The following CMTM8 variants were observed in gnomAD, a reference collection of about 807,000 sequenced individuals.
CMTM8 encodes CKLF-like MARVEL transmembrane domain-containing protein 8.
In CMTM8, 12 loss-of-function variants were observed where a neutral mutation model predicts 18.6. The ratio of observed to expected loss-of-function variants is 0.65; its 90% confidence interval spans 0.41 to 1.05. The LOEUF is 1.05. Among genes scored for constraint, CMTM8 ranks in the 50% least tolerant of loss-of-function variants. CMTM8 has a pLI of 0.00. For synonymous variants in CMTM8, 87 were observed against 90.6 expected (o/e 0.96, Z 0.23); for missense variants, 217 against 227.2 (o/e 0.95, Z 0.29).
intron 1 of CMTM8, among the ~76,000 whole-genome samples, chr3:32,254,177 AG>A (rs1702147965): frequency 6.6e-6 from 1 of 152,224 alleles, no homozygotes; most frequent in Non-Finnish European, 1.5e-5. Context: ...TACAGGTGTG[AG>A]CCACTGCACC....
chr3:32,327,953 G>A (rs1285356750), intron 1 of CMTM8, among the ~76,000 whole-genome samples: 5 of 152,206 alleles, frequency 3.3e-5, no homozygotes, highest in African/African-American at 1.2e-4. Flanking sequence ...GCTCGTGCCT[G>A]TAATCCCAAC....
chr3:32,345,414 A>C (rs1269576063), intron 1 of CMTM8, among the ~76,000 whole-genome samples: 1 of 152,182 alleles, frequency 6.6e-6, no homozygotes, highest in Non-Finnish European at 1.5e-5. Context: ...TACCATTCCA[A>C]ATAGAAGCAA....
At chr3:32,368,031 C>T (rs79576227) in intron 3 of CMTM8, 43 bp downstream of exon 3, 1 of 1,355,366 alleles carries the variant, frequency 7.4e-7, no homozygotes, top group East Asian at 2.3e-5. Context: ...TCTTCCCTCT[C>T]CAAGGCTTGC....
At position 32,367,925 on chromosome 3, in the gene CMTM8, A is replaced by G. The variant is rs1411634896; in HGVS notation, c.375A>G (p.Val125=). ...TCTTGTACCTCTCTGCCGCTGTTGT[A>G]GATGCATCTTCCGTCTCCCCTGAGA... ...AFVLYLSAAV[V]DASSVSPERD... Residue 125 remains valine, a synonymous_variant, in exon 3 of 4, where the codon GTA becomes GTG. Transcript: ENST00000307526. 1 of 1,614,018 alleles carries G rather than the reference A, an allele frequency of 6.2e-7. No individual in the cohort carries two copies. Among genetic ancestry groups the G allele is most frequent in the African/African-American group, 1.3e-5 (1 of 74,896 alleles).
At position 32,347,297 on chromosome 3, in the gene CMTM8, G is replaced by GTTTTTTTTTTTTTTT. The variant is rs56826485; in HGVS notation, c.148-10064_148-10063insTTTTTTTTTTTTTTT. ...TTGGTTTTTGGTTTTTTTTGCTTAG[G>GTTTTTTTTTTTTTTT]TTTTTTTTTTTTGGCGTTAGTTCTC... On this transcript the variant is annotated intron_variant, in intron 1 of 3. Coordinates refer to ENST00000307526, the MANE Select transcript of CMTM8 (RefSeq NM_178868.5). 3.2e-3 allele frequency among the ~76,000 whole-genome samples: 438 copies of GTTTTTTTTTTTTTTT among 136,102 alleles called. 5 individuals are homozygous for GTTTTTTTTTTTTTTT. Among genetic ancestry groups the GTTTTTTTTTTTTTTT allele is most frequent in the South Asian group, 8.9e-3 (36 of 4,042 alleles). The allele number at this position is 136,102 out of a possible 152,430, so 89.3% of individuals were successfully genotyped here.
At position 32,329,507 on chromosome 3, in the gene CMTM8, G is replaced by A. The variant is rs144494945; in HGVS notation, c.148-27866G>A. On this transcript the variant is annotated intron_variant, in intron 1 of 3. Coordinates refer to ENST00000307526, the MANE Select transcript of CMTM8 (RefSeq NM_178868.5). ...ATGTAATACACCACATTAATGGAAC[G>A]AAAGATAAAACCACATGATCATCTC... Among the ~76,000 whole-genome samples the A allele has an allele frequency of 3.9e-4, 59 of 152,266 alleles. No individual in the cohort carries two copies. The East Asian group carries it at 7.9e-3, about 20-fold the overall frequency.
At chr3:32,339,306 A>G (rs1252453686) in intron 1 of CMTM8, among the ~76,000 whole-genome samples, 1 of 152,332 alleles carries the variant, frequency 6.6e-6, no homozygotes, top group African/African-American at 2.4e-5. Flanking sequence ...AAGCAAGAAT[A>G]AGGTAATTCA....
At chr3:32,346,307 G>A (rs1287905393) in intron 1 of CMTM8, among the ~76,000 whole-genome samples, 4 of 152,168 alleles carry the variant, frequency 2.6e-5, no homozygotes, top group East Asian at 1.9e-4. Flanking sequence ...GGCTTTACCC[G>A]TATCTATAGT....
At chr3:32,284,740 C>T (rs898863061) in intron 1 of CMTM8, among the ~76,000 whole-genome samples, 1 of 152,144 alleles carries the variant, frequency 6.6e-6, no homozygotes, top group Non-Finnish European at 1.5e-5. Flanking sequence ...AAATGAATGG[C>T]TTTACAGTTC....
chr3:32,357,583 C>A, intron 2 of CMTM8, 37 bp downstream of exon 2: 1 of 1,602,860 alleles, frequency 6.2e-7, no homozygotes, highest in South Asian at 1.1e-5. Context: ...GTCCAGTGCC[C>A]ACTCGGTAGA....
chr3:32,353,973 C>T (rs1395665497), intron 1 of CMTM8, among the ~76,000 whole-genome samples: 7 of 151,690 alleles, frequency 4.6e-5, no homozygotes, highest in African/African-American at 1.7e-4. Flanking sequence ...TTAGTAGAGA[C>T]GGGGTTTCAC....
intron 1 of CMTM8, among the ~76,000 whole-genome samples, chr3:32,268,074 C>T (rs1459862002): frequency 2.0e-5 from 3 of 152,154 alleles, no homozygotes; most frequent in Admixed American, 6.5e-5. Flanking sequence ...TACCATTTGA[C>T]CCAGCCATCC....
chr3:32,324,184 T>G (rs1437759249), intron 1 of CMTM8, among the ~76,000 whole-genome samples: 2 of 152,210 alleles, frequency 1.3e-5, no homozygotes, highest in African/African-American at 4.8e-5. Context: ...ATTTCATTGG[T>G]GGTTTGCAAC....
chr3:32,262,571 TA>T (rs533407503), intron 1 of CMTM8, among the ~76,000 whole-genome samples: 348 of 152,356 alleles, frequency 2.3e-3, no homozygotes, highest in Non-Finnish European at 4.1e-3. Flanking sequence ...GGACGTGCCC[TA>T]TTTCAGTTAA....
At chr3:32,249,517 G>T (rs1702087488) in intron 1 of CMTM8, among the ~76,000 whole-genome samples, 2 of 151,574 alleles carry the variant, frequency 1.3e-5, no homozygotes, top group African/African-American at 2.4e-5. Context: ...GCTGCAACAT[G>T]AGAGTTCTAA....
chr3:32,339,631 A>G (rs1348854204), intron 1 of CMTM8, among the ~76,000 whole-genome samples: 1 of 152,224 alleles, frequency 6.6e-6, no homozygotes, highest in Non-Finnish European at 1.5e-5. Context: ...TGCTCCACAC[A>G]GTTCCCCTAT....
chr3:32,295,343 C>T, intron 1 of CMTM8, among the ~76,000 whole-genome samples: 1 of 150,670 alleles, frequency 6.6e-6, no homozygotes, highest in East Asian at 2.0e-4. Context: ...GTAGTCTCAG[C>T]TACTCGGGAG....
chr3:32,345,040 A>G (rs1189685078), intron 1 of CMTM8, among the ~76,000 whole-genome samples: 4 of 152,208 alleles, frequency 2.6e-5, no homozygotes, highest in Non-Finnish European at 1.5e-5. Context: ...TTGATTTTCA[A>G]TTAAAAAAAT....
chr3:32,342,704 G>T (rs1696522423), intron 1 of CMTM8, among the ~76,000 whole-genome samples: 1 of 152,208 alleles, frequency 6.6e-6, no homozygotes, highest in Admixed American at 6.5e-5. Flanking sequence ...CTCCACACAA[G>T]TGTAAAAAGC....
Sources: allele counts gnomAD v4.1 joint callset (sites outside exome capture counted in the v4.1 genomes callset), GRCh38; gene constraint gnomAD v4.1.1; transcripts MANE v1.5; gene names NCBI Gene and HGNC (gene_info 2026-07-23, HGNC 2026-07-21).